LMBR1: variants seen among roughly 807,000 people sequenced by gnomAD.
LMBR1 encodes limb region 1 protein homolog.
A neutral mutation model predicts 73.9 loss-of-function variants in LMBR1; 52 were observed. The observed-to-expected ratio is 0.70, with a 90% CI of 0.56 to 0.89. The LOEUF (loss-of-function observed/expected upper bound fraction) is 0.89. LMBR1 is among the 40% of genes least tolerant of loss of function. The probability of loss-of-function intolerance (pLI) is 0.00; values close to 1 mark genes in which losing one functional copy is unlikely to be tolerated. For missense variants in LMBR1, 539 were observed against 579.8 expected (o/e 0.93, Z 0.72); for synonymous variants, 215 against 209.4 (o/e 1.03, Z -0.23).
Position 156,832,040 on chromosome 7 carries a change from A to C in LMBR1, c.179+1713T>G, listed in dbSNP as rs112120476. 3.3e-3 allele frequency among the ~76,000 whole-genome samples: 502 copies of C among 152,354 alleles called. 1 individual carries two copies. The highest frequency in any genetic ancestry group is 3.9e-3 in the Non-Finnish European group (267 of 68,032). On this transcript the variant is annotated intron_variant, in intron 3 of 16. Coordinates refer to ENST00000353442, the MANE Select transcript of LMBR1 (RefSeq NM_022458.4). ...TACAGAGGAAAAAAATGATTCACTTAATTTTCACAAATGTCACAGGGCTAA... is the reference window on the plus strand; with the variant it reads ...TACAGAGGAAAAAAATGATTCACTTCATTTTCACAAATGTCACAGGGCTAA...
At chr7:156,871,486 A>G (rs1486494822) in intron 1 of LMBR1, among the ~76,000 whole-genome samples, 2 of 152,236 alleles carry the variant, frequency 1.3e-5, no homozygotes, top group East Asian at 1.9e-4. Flanking sequence ...CAAAGAAGCC[A>G]TAAGAAGAGA....
chr7:156,800,607 A>G (rs1585874894), intron 4 of LMBR1, among the ~76,000 whole-genome samples: 1 of 152,128 alleles, frequency 6.6e-6, no homozygotes, highest in Admixed American at 6.6e-5. Flanking sequence ...TTAACACAAC[A>G]TCCATTCTGT....
At chr7:156,810,779 G>A (rs1832953023) in intron 4 of LMBR1, among the ~76,000 whole-genome samples, 1 of 151,788 alleles carries the variant, frequency 6.6e-6, no homozygotes, top group Admixed American at 6.6e-5. Context: ...TTTTCCCTCT[G>A]TGTTTCACTT....
chr7:156,697,966 G>A (rs750419344), intron 15 of LMBR1, among the ~76,000 whole-genome samples: 70 of 152,206 alleles, frequency 4.6e-4, no homozygotes, highest in African/African-American at 1.5e-3. Context: ...GTTCCTCTGC[G>A]GCAGCTCCAG....
intron 1 of LMBR1, among the ~76,000 whole-genome samples, chr7:156,865,460 T>A (rs1192798032): frequency 6.6e-6 from 1 of 152,200 alleles, no homozygotes; most frequent in African/African-American, 2.4e-5. Flanking sequence ...AGACATCACA[T>A]GTTCATGGAT....
intron 4 of LMBR1, among the ~76,000 whole-genome samples, chr7:156,800,963 G>C (rs1326600252): frequency 6.6e-6 from 1 of 152,238 alleles, no homozygotes; most frequent in African/African-American, 2.4e-5. Context: ...ACGAGGAGCT[G>C]CTTCTTAGGG....
rs1229291508 is a variant in LMBR1, at chr7:156,724,195, G to A, written c.1159-17C>T. ...TCCAATGATCTGTTATGAGAAACGAGAAAGAATATTGGGCAGTTAAACAGC... is the reference window on the plus strand; with the variant it reads ...TCCAATGATCTGTTATGAGAAACGAAAAAGAATATTGGGCAGTTAAACAGC... On this transcript the variant is annotated splice_polypyrimidine_tract_variant and intron_variant, in intron 14 of 16. Transcript: ENST00000353442. The A allele has an allele frequency of 1.1e-5, 17 of 1,595,982 alleles. No homozygotes were observed. Among genetic ancestry groups the A allele is most frequent in the Non-Finnish European group, 1.4e-5 (16 of 1,166,920 alleles).
chr7:156,706,428 C>G (rs1010338145), intron 15 of LMBR1, among the ~76,000 whole-genome samples: 3 of 152,158 alleles, frequency 2.0e-5, no homozygotes, highest in Admixed American at 1.3e-4. Context: ...GAATATTCTG[C>G]TCAACTGCAG....
intron 4 of LMBR1, among the ~76,000 whole-genome samples, chr7:156,808,836 C>T (rs75631999): frequency 0.079 from 12,025 of 152,112 alleles, 588 homozygotes; most frequent in East Asian, 0.13. Context: ...AATAGCCATT[C>T]CTTTTATTCC....
chr7:156,783,758 A>G (rs1460584280), intron 5 of LMBR1, among the ~76,000 whole-genome samples: 1 of 152,166 alleles, frequency 6.6e-6, no homozygotes, highest in Non-Finnish European at 1.5e-5. Flanking sequence ...ATGTACAGGT[A>G]GTGCATGAAA....
rs368148713 is a variant in LMBR1, at chr7:156,848,748, T to C, written c.67-11863A>G. On this transcript the variant is annotated intron_variant, in intron 1 of 16. Transcript: ENST00000353442. ...GGAGTTCTAGAACAACCTGGGATCA[T>C]GGTGAAACCCCGTCTCTACTAAAAA... Among the ~76,000 whole-genome samples the C allele has an allele frequency of 2.2e-4, 33 of 152,158 alleles. No homozygotes were observed. The East Asian group carries it at 4.8e-3, about 22-fold the overall frequency.
At chr7:156,768,839 G>C (rs1050444586) in intron 5 of LMBR1, among the ~76,000 whole-genome samples, 1 of 152,136 alleles carries the variant, frequency 6.6e-6, no homozygotes, top group African/African-American at 2.4e-5. Context: ...CCCACAGGTT[G>C]GGTAATCCAT....
chr7:156,828,927 A>G (rs1311239754), intron 3 of LMBR1, among the ~76,000 whole-genome samples: 4 of 152,196 alleles, frequency 2.6e-5, no homozygotes, highest in Non-Finnish European at 4.4e-5. Context: ...GGCACACCAC[A>G]GTACCAGGCG....
At chr7:156,775,844 A>C (rs1193879764) in intron 5 of LMBR1, among the ~76,000 whole-genome samples, 1 of 151,884 alleles carries the variant, frequency 6.6e-6, no homozygotes, top group Non-Finnish European at 1.5e-5. Flanking sequence ...ATCTGATTTC[A>C]GTTTATGAGA....
At chr7:156,762,846 A>AGTGTGTTT (rs1554505711) in intron 7 of LMBR1, among the ~76,000 whole-genome samples, 3 of 148,520 alleles carry the variant, frequency 2.0e-5, no homozygotes, top group African/African-American at 7.4e-5. Context: ...TGTGAGTGTG[A>AGTGTGTTT]GTGTGTGTGT....
chr7:156,757,250 T>C (rs1461362295), intron 8 of LMBR1, among the ~76,000 whole-genome samples: 1 of 152,254 alleles, frequency 6.6e-6, no homozygotes, highest in Non-Finnish European at 1.5e-5. Context: ...TCATTTACAT[T>C]TACCTACATA....
At chr7:156,687,857 G>C (rs1806301486) in intron 16 of LMBR1, among the ~76,000 whole-genome samples, 173 bp downstream of exon 16, 1 of 152,192 alleles carries the variant, frequency 6.6e-6, no homozygotes, top group Non-Finnish European at 1.5e-5. Context: ...CTGTATTACA[G>C]ATAAGGAAGC....
intron 15 of LMBR1, among the ~76,000 whole-genome samples, chr7:156,696,523 T>C (rs773144822): frequency 3.9e-5 from 6 of 152,170 alleles, no homozygotes; most frequent in Admixed American, 6.5e-5. Flanking sequence ...CAGTTCCATA[T>C]GGCTAGGAAG....
chr7:156,726,819 C>T (rs1815867597), intron 12 of LMBR1, among the ~76,000 whole-genome samples: 1 of 151,972 alleles, frequency 6.6e-6, no homozygotes, highest in South Asian at 2.1e-4. Flanking sequence ...TCCAAGGGTG[C>T]CCCCCGCAAC....
Sources: allele counts gnomAD v4.1 joint callset (sites outside exome capture counted in the v4.1 genomes callset), GRCh38; gene constraint gnomAD v4.1.1; transcripts MANE v1.5; gene names NCBI Gene and HGNC (gene_info 2026-07-23, HGNC 2026-07-21).